CSMD2: variants seen among roughly 807,000 people sequenced by gnomAD.
CSMD2 encodes the protein CUB and sushi domain-containing protein 2.
Under a neutral mutation model 398.5 loss-of-function variants are expected in CSMD2, and 130 were observed. That is an observed-to-expected ratio of 0.33 (90% confidence interval 0.28 to 0.38). CSMD2 has a LOEUF of 0.38. Among genes scored for constraint, CSMD2 ranks in the 10% least tolerant of loss-of-function variants. The pLI is 1.00. For synonymous variants in CSMD2, 1,828 were observed against 1,908.5 expected (o/e 0.96, Z 1.10); for missense variants, 3,829 against 4,764.9 (o/e 0.80, Z 5.78).
intron 1 of CSMD2, among the ~76,000 whole-genome samples, chr1:34,142,635 C>T (rs1181095178): frequency 6.6e-6 from 1 of 152,198 alleles, no homozygotes; most frequent in Admixed American, 6.5e-5. Context: ...AATAGTGTTC[C>T]ACTCAGCAGC....
intron 2 of CSMD2, among the ~76,000 whole-genome samples, chr1:34,063,232 T>A (rs1455404628): frequency 6.6e-6 from 1 of 152,118 alleles, no homozygotes; most frequent in Non-Finnish European, 1.5e-5. Context: ...TCTCATGTCC[T>A]CGTATTTCAA....
At chr1:34,039,383 C>A (rs796470563) in intron 2 of CSMD2, among the ~76,000 whole-genome samples, 19 of 152,336 alleles carry the variant, frequency 1.2e-4, no homozygotes, top group African/African-American at 4.6e-4. Flanking sequence ...CTCCCCTAAG[C>A]AAAGAGCCCC....
intron 10 of CSMD2, among the ~76,000 whole-genome samples, chr1:33,803,174 T>C (rs1031892139): frequency 1.3e-5 from 2 of 152,218 alleles, no homozygotes; most frequent in African/African-American, 4.8e-5. Flanking sequence ...GCCTCTCAGA[T>C]TGCTCCTTCT....
Position 33,611,134 on chromosome 1 carries a change from G to C in CSMD2, c.6250C>G (p.Pro2084Ala). Residue 2084 changes from proline (P) to alanine (A), a missense_variant, in exon 41 of 71, where the codon CCA becomes GCA. Physicochemically the swap from Pro to Ala is conservative, Grantham distance 27. Transcript: ENST00000373381. The part of the protein sequence containing the change: ...MMGRFSGSEL[P>A]SSLLSTSHET... ...TGGGACGTGGAGAGGAGGGAGCTTG[G>C]AAGCTCGCTTCCACTGAATCTTCCC... is the stretch of plus-strand genomic sequence containing the variant. 1 of 1,614,122 alleles carries C rather than the reference G, an allele frequency of 6.2e-7. No individual in the cohort carries two copies. The highest frequency in any genetic ancestry group is 1.1e-5 in the South Asian group (1 of 91,036).
chr1:34,119,626 C>T (rs761711619), intron 1 of CSMD2, among the ~76,000 whole-genome samples: 5 of 152,132 alleles, frequency 3.3e-5, no homozygotes, highest in Non-Finnish European at 7.4e-5. Flanking sequence ...ATAGACATTT[C>T]CCCAAAGAAG....
At chr1:33,808,212 T>C (rs192658505) in intron 10 of CSMD2, among the ~76,000 whole-genome samples, 35 of 152,188 alleles carry the variant, frequency 2.3e-4, no homozygotes, top group Admixed American at 2.0e-3. Context: ...CTGCCGTTGA[T>C]TGATGAAGAA....
At position 33,624,404 on chromosome 1, in the gene CSMD2, C is replaced by G. The variant is rs561107786; in HGVS notation, c.5625+115G>C. ...AGGTACAGGGCTGATATGTCTCTTC[C>G]TGGCTCACCCTGACTCAGGCCTTGG... On this transcript the variant is annotated intron_variant, in intron 35 of 70. Transcript: ENST00000373381. This position sits in a 1 kb window ranked among gnomAD's most constrained non-coding sequence, Gnocchi z 4.7. 24 of 1,367,580 alleles carry G rather than the reference C, an allele frequency of 1.8e-5. No individual in the cohort carries two copies. The African/African-American group carries it at 2.4e-4, about 14-fold the overall frequency. 84.7% of individuals were successfully genotyped at this position (1,367,580 alleles called of 1,614,324 possible).
At chr1:33,755,603 T>C (rs1028911872) in intron 13 of CSMD2, among the ~76,000 whole-genome samples, 12 of 152,202 alleles carry the variant, frequency 7.9e-5, no homozygotes, top group Non-Finnish European at 5.9e-5. Flanking sequence ...TCATATTTGA[T>C]ATAATCCAGT....
chr1:33,795,780 T>C (rs1654881952), intron 10 of CSMD2, among the ~76,000 whole-genome samples: 2 of 152,268 alleles, frequency 1.3e-5, no homozygotes, highest in South Asian at 4.1e-4. Context: ...CAGGCCTCAC[T>C]GCCTCTGTAC....
intron 5 of CSMD2, 117 bp from the exon 6 acceptor site, chr1:33,847,113 C>A (rs1250806348): frequency 1.6e-6 from 1 of 629,448 alleles, no homozygotes; most frequent in East Asian, 3.4e-5. Flanking sequence ...AGCTCTGGAG[C>A]AGGAAGGGAA....
chr1:34,081,257 C>G (rs917785981), intron 2 of CSMD2, among the ~76,000 whole-genome samples: 1 of 152,114 alleles, frequency 6.6e-6, no homozygotes, highest in Non-Finnish European at 1.5e-5. Flanking sequence ...CTCCACACCC[C>G]CAGAGTAGCA....
At chr1:33,966,799 A>T (rs1645572906) in intron 3 of CSMD2, among the ~76,000 whole-genome samples, 1 of 152,168 alleles carries the variant, frequency 6.6e-6, no homozygotes, top group Non-Finnish European at 1.5e-5. Flanking sequence ...AGTGGGAATG[A>T]ATACTTTTGT....
chr1:33,557,837 G>A lies in CSMD2; in HGVS notation c.8640C>T (p.Thr2880=). 1 of 1,536,108 alleles carries A rather than the reference G, an allele frequency of 6.5e-7. No individual in the cohort carries two copies. Among genetic ancestry groups the A allele is most frequent in the Non-Finnish European group, 8.7e-7 (1 of 1,146,898 alleles). The part of the protein sequence containing the change: ...ASGPHRFSFG[T]TVSYRCNHGF... ...CGTGGTTGCACCGGTAAGACACAGT[G>A]GTGCCGAAGCTGAACCTGTGCGGGC... is the stretch of plus-strand genomic sequence containing the variant. The change falls in exon 55 of 71, where the codon ACC becomes ACT. Residue 2880 remains threonine, a synonymous_variant. Coordinates refer to ENST00000373381, the MANE Select transcript of CSMD2 (RefSeq NM_001281956.2).
chr1:33,551,158 G>GGGCCAGA (rs1657410653), intron 55 of CSMD2, among the ~76,000 whole-genome samples: 1 of 152,184 alleles, frequency 6.6e-6, no homozygotes, highest in Admixed American at 6.5e-5. Context: ...CAGGTATAAC[G>GGGCCAGA]GGCCAGAGGC....
chr1:34,136,239 T>G (rs987868881), intron 1 of CSMD2, among the ~76,000 whole-genome samples: 5 of 152,222 alleles, frequency 3.3e-5, no homozygotes, highest in Admixed American at 6.5e-5. Flanking sequence ...AAATTACTTA[T>G]TTAACTAAGA....
chr1:33,627,631 A>C (rs540818123), intron 32 of CSMD2, among the ~76,000 whole-genome samples: 40 of 152,342 alleles, frequency 2.6e-4, no homozygotes, highest in African/African-American at 9.6e-4. Flanking sequence ...ATATGGGAGC[A>C]GAGAGCTTTT....
intron 25 of CSMD2, among the ~76,000 whole-genome samples, chr1:33,671,003 G>C (rs940338557): frequency 6.6e-6 from 1 of 152,156 alleles, no homozygotes; most frequent in Admixed American, 6.5e-5. Context: ...GTGAGAAGGG[G>C]ACAGAATGCA....
intron 22 of CSMD2, among the ~76,000 whole-genome samples, chr1:33,701,849 G>C (rs1645623112): frequency 3.3e-5 from 5 of 152,136 alleles, no homozygotes. Flanking sequence ...AATGGACCAA[G>C]GCATTTATCA....
intron 11 of CSMD2, among the ~76,000 whole-genome samples, chr1:33,791,870 C>T (rs10737373): frequency 0.68 from 103,042 of 152,020 alleles, 35,453 homozygotes; most frequent in African/African-American, 0.81. Context: ...CTCAACATAG[C>T]AGAATCCCAT....
Sources: gnomAD v4.1 joint callset for allele counts (sites outside exome capture counted in the v4.1 genomes callset) on GRCh38, gnomAD v4.1.1 for gene constraint, Gnocchi (gnomAD v3.1) non-coding constraint, MANE v1.5 for transcripts, NCBI Gene and HGNC (gene_info 2026-07-23, HGNC 2026-07-21) for gene names.